Variants in TCF4 observed in about 807,000 individuals in gnomAD.
TCF4 encodes transcription factor 4.
In TCF4, 3 loss-of-function variants were observed where a neutral mutation model predicts 82.1. The observed-to-expected ratio is 0.04, with a 90% CI of 0.02 to 0.09. TCF4 has a LOEUF of 0.09. Ranked by LOEUF, TCF4 falls within the 10% of genes least tolerant of loss-of-function variation. TCF4 has a pLI of 1.00. For synonymous variants in TCF4, 276 were observed against 309.6 expected (o/e 0.89, Z 1.14); for missense variants, 518 against 852.7 (o/e 0.61, Z 4.89).
chr18:55,528,128 A>G (rs1355881441), intron 3 of TCF4, among the ~76,000 whole-genome samples: 1 of 152,222 alleles, frequency 6.6e-6, no homozygotes, highest in East Asian at 1.9e-4. Flanking sequence ...TCTGTCATAG[A>G]AGACTGCTAT....
intron 5 of TCF4, among the ~76,000 whole-genome samples, chr18:55,440,143 CA>C (rs2095413365): frequency 6.6e-6 from 1 of 152,182 alleles, no homozygotes; most frequent in African/African-American, 2.4e-5. Context: ...CGCCCAGCCA[CA>C]ATCATTTTTC....
At chr18:55,290,060 A>T (rs2064689159) in intron 8 of TCF4, among the ~76,000 whole-genome samples, 1 of 152,212 alleles carries the variant, frequency 6.6e-6, no homozygotes, top group Admixed American at 6.5e-5. Flanking sequence ...ATAAACATTC[A>T]TTGGTTCTGC....
intron 3 of TCF4, among the ~76,000 whole-genome samples, chr18:55,494,873 T>C (rs2096616559): frequency 1.3e-5 from 2 of 151,982 alleles, no homozygotes; most frequent in African/African-American, 4.8e-5. Context: ...GTTCAAGTTA[T>C]TAACTTTGAT....
At chr18:55,457,194 C>G (rs1441321132) in intron 5 of TCF4, among the ~76,000 whole-genome samples, 1 of 152,204 alleles carries the variant, frequency 6.6e-6, no homozygotes, top group Non-Finnish European at 1.5e-5. Context: ...TAGGAGCTTG[C>G]TTTTTGTTTC....
At chr18:55,535,428 G>A (rs1175051847) in intron 3 of TCF4, among the ~76,000 whole-genome samples, 2 of 152,120 alleles carry the variant, frequency 1.3e-5, no homozygotes, top group Non-Finnish European at 2.9e-5. Flanking sequence ...AGCAGTAATG[G>A]GAAGGAAAAT....
At chr18:55,617,915 C>T (rs887289678) in intron 2 of TCF4, among the ~76,000 whole-genome samples, 2 of 150,252 alleles carry the variant, frequency 1.3e-5, no homozygotes, top group Non-Finnish European at 3.0e-5. Flanking sequence ...TTACTTCTTC[C>T]TTTCCAGCTT....
chr18:55,566,762 C>G (rs962248589), intron 3 of TCF4, among the ~76,000 whole-genome samples: 5 of 151,984 alleles, frequency 3.3e-5, no homozygotes, highest in African/African-American at 1.2e-4. Flanking sequence ...AGGTCAAGCA[C>G]ACATGTAATC....
At chr18:55,366,135 T>C (rs1336108884) in intron 6 of TCF4, among the ~76,000 whole-genome samples, 1 of 152,146 alleles carries the variant, frequency 6.6e-6, no homozygotes, top group Non-Finnish European at 1.5e-5. Context: ...TTAAAAACCA[T>C]GAAAAGTGAT....
At chr18:55,399,955 C>G (rs896758939) in intron 6 of TCF4, among the ~76,000 whole-genome samples, 3 of 147,844 alleles carry the variant, frequency 2.0e-5, no homozygotes, top group South Asian at 2.2e-4. Flanking sequence ...TGGCTTTAGA[C>G]CTGGGCTATA....
At chr18:55,577,267 T>G (rs2097539257) in intron 3 of TCF4, among the ~76,000 whole-genome samples, 1 of 147,368 alleles carries the variant, frequency 6.8e-6, no homozygotes, top group African/African-American at 2.5e-5. Flanking sequence ...TATACATATA[T>G]GTGTATATAT....
chr18:55,568,942 A>C (rs2097434038), intron 3 of TCF4, among the ~76,000 whole-genome samples: 1 of 152,222 alleles, frequency 6.6e-6, no homozygotes, highest in Non-Finnish European at 1.5e-5. Flanking sequence ...ACCACAGGAA[A>C]ATATACGGAT....
chr18:55,300,590 G>A (rs983415771), intron 8 of TCF4, among the ~76,000 whole-genome samples: 1 of 151,690 alleles, frequency 6.6e-6, no homozygotes, highest in Non-Finnish European at 1.5e-5. Context: ...AAAACCATAT[G>A]TCGGTTCTTC....
intron 2 of TCF4, chr18:55,596,011 T>C (rs989514492): frequency 5.8e-6 from 2 of 344,790 alleles, no homozygotes; most frequent in East Asian, 1.2e-4. Context: ...GGTGGGTGGA[T>C]CACTTGAGGT....
chr18:55,228,110 T>C, intron 19 of TCF4, 80 bp from the exon 20 acceptor site: 2 of 1,405,566 alleles, frequency 1.4e-6, no homozygotes, highest in Non-Finnish European at 2.0e-6. Context: ...AAAAAATTCT[T>C]TTTCCATGAA....
Position 55,273,129 on chromosome 18 carries a change from G to A in TCF4, c.789+2490C>T, listed in dbSNP as rs912410123. Among the ~76,000 whole-genome samples, 7 of 152,238 alleles carry A rather than the reference G, an allele frequency of 4.6e-5. No individual in the cohort carries two copies. The South Asian group carries it at 1.5e-3, about 32-fold the overall frequency. On this transcript the variant is annotated intron_variant, in intron 10 of 19. Transcript: ENST00000354452. ...GTGTGGGTATGTGTAACACAGTAAT[G>A]ATTAGCTGTGGGATTCTGTTGGACA...
chr18:55,578,825 C>A (rs147192101), intron 3 of TCF4, among the ~76,000 whole-genome samples: 3 of 151,988 alleles, frequency 2.0e-5, no homozygotes, highest in Non-Finnish European at 4.4e-5. Context: ...TAATTACCAC[C>A]AATGCCAGTC....
intron 5 of TCF4, among the ~76,000 whole-genome samples, chr18:55,434,069 T>C (rs1424594139): frequency 1.3e-5 from 2 of 152,282 alleles, no homozygotes; most frequent in Non-Finnish European, 2.9e-5. Context: ...ATACACAAAA[T>C]AGTCTCATTC....
At chr18:55,321,695 A>G in intron 8 of TCF4, 1 of 1,536,152 alleles carries the variant, frequency 6.5e-7, no homozygotes, top group Non-Finnish European at 8.7e-7. Context: ...GTAGTACATC[A>G]AAGAGTTGCC....
At chr18:55,231,892 T>C (rs2048024742) in intron 17 of TCF4, 1 of 152,434 alleles carries the variant, frequency 6.6e-6, no homozygotes, top group African/African-American at 2.4e-5. Flanking sequence ...CGGGTGTTGG[T>C]ATTCAAAAAC....
Sources: allele counts gnomAD v4.1 joint callset (sites outside exome capture counted in the v4.1 genomes callset), GRCh38; gene constraint gnomAD v4.1.1; transcripts MANE v1.5; gene names NCBI Gene and HGNC (gene_info 2026-07-23, HGNC 2026-07-21).